SEM1: variants seen among roughly 807,000 people sequenced by gnomAD.
SEM1 encodes SEM1 26S proteasome subunit, also known as 26S proteasome complex subunit SEM1.
In SEM1, 3 loss-of-function variants were observed where a neutral mutation model predicts 12.7. The ratio of observed to expected loss-of-function variants is 0.24; its 90% confidence interval spans 0.11 to 0.61. SEM1 has a LOEUF of 0.61. Among genes scored for constraint, SEM1 ranks in the 20% least tolerant of loss-of-function variants. The probability of loss-of-function intolerance (pLI) is 0.88; values close to 1 mark genes in which losing one functional copy is unlikely to be tolerated. For synonymous variants in SEM1, 30 were observed against 27.8 expected, an observed-to-expected ratio of 1.08 and a Z score of -0.25; for missense variants, 59 against 81.3, an observed-to-expected ratio of 0.73 and a Z score of 1.06.
chr7:96,592,698 G>A (rs1806865398), intron 2 of SEM1, among the ~76,000 whole-genome samples: 1 of 151,692 alleles, frequency 6.6e-6, no homozygotes, highest in African/African-American at 2.4e-5. Flanking sequence ...AAGGTGGCAG[G>A]TTTTTAAGTA....
chr7:96,483,182 T>C (rs1175852848), exon 4 of SEM1: 1 of 152,244 alleles, frequency 6.6e-6, no homozygotes, highest in African/African-American at 2.4e-5. Flanking sequence ...AAATACTCGT[T>C]ATTTAATTAT....
chr7:96,522,719 A>C (rs1804317436), intron 2 of SEM1, among the ~76,000 whole-genome samples: 1 of 61,618 alleles, frequency 1.6e-5, no homozygotes. Context: ...CTCTACTAAA[A>C]ATACCCCCCC....
At chr7:96,551,734 A>G (rs1805283488) in intron 2 of SEM1, among the ~76,000 whole-genome samples, 1 of 151,092 alleles carries the variant, frequency 6.6e-6, no homozygotes, top group South Asian at 2.1e-4. Flanking sequence ...GAAAAGAAAA[A>G]AAAGAATTAC....
At chr7:96,518,308 G>T (rs1357484817) in intron 2 of SEM1, among the ~76,000 whole-genome samples, 1 of 152,044 alleles carries the variant, frequency 6.6e-6, no homozygotes, top group African/African-American at 2.4e-5. Context: ...AATATAATCA[G>T]CCTATATAAT....
intron 2 of SEM1, among the ~76,000 whole-genome samples, chr7:96,592,953 CT>C (rs1806874522): frequency 6.8e-6 from 1 of 147,044 alleles, no homozygotes; most frequent in Non-Finnish European, 1.5e-5. Flanking sequence ...GTCCTTGAAG[CT>C]CTAGAGAAGG....
chr7:96,488,211 T>G (rs1157720475), intron 1 of SEM1, among the ~76,000 whole-genome samples: 1 of 152,004 alleles, frequency 6.6e-6, no homozygotes, highest in Non-Finnish European at 1.5e-5. Context: ...ACCACTCCCA[T>G]TAAATGGGAG....
intron 3 of SEM1, among the ~76,000 whole-genome samples, chr7:96,503,969 G>A (rs1803660530): frequency 6.6e-6 from 1 of 152,072 alleles, no homozygotes; most frequent in African/African-American, 2.4e-5. Flanking sequence ...CTATTGGGTT[G>A]GCCATGGAAC....
intron 2 of SEM1, among the ~76,000 whole-genome samples, chr7:96,574,234 C>T (rs1806131595): frequency 6.6e-6 from 1 of 152,102 alleles, no homozygotes; most frequent in Admixed American, 6.5e-5. Context: ...TGGTTTCCAG[C>T]TTCATCCATA....
At chr7:96,617,470 C>T (rs1009644183) in intron 2 of SEM1, among the ~76,000 whole-genome samples, 2 of 152,140 alleles carry the variant, frequency 1.3e-5, no homozygotes, top group Non-Finnish European at 2.9e-5. Flanking sequence ...GATATAATAA[C>T]ACAGAATCTG....
chr7:96,528,155 A>G (rs772795406), intron 2 of SEM1, among the ~76,000 whole-genome samples: 3 of 152,052 alleles, frequency 2.0e-5, no homozygotes, highest in Admixed American at 6.6e-5. Context: ...TTAAACCTCA[A>G]TTGCCCATTG....
At chr7:96,603,665 A>G (rs1484594405) in intron 2 of SEM1, among the ~76,000 whole-genome samples, 1 of 152,044 alleles carries the variant, frequency 6.6e-6, no homozygotes, top group Non-Finnish European at 1.5e-5. Context: ...TTGGGAACTG[A>G]TATCTTGAGC....
At chr7:96,615,399 C>T (rs920690203) in intron 2 of SEM1, among the ~76,000 whole-genome samples, 9 of 151,980 alleles carry the variant, frequency 5.9e-5, no homozygotes, top group East Asian at 3.9e-4. Context: ...GGATTACAGG[C>T]GCCTACCACC....
At chr7:96,578,147 T>G (rs1806266873) in intron 2 of SEM1, among the ~76,000 whole-genome samples, 1 of 151,960 alleles carries the variant, frequency 6.6e-6, no homozygotes, top group Non-Finnish European at 1.5e-5. Context: ...GTCTAACAAA[T>G]CTCTAATCAA....
At chr7:96,588,353 AACACACACACACACACACACACACACAC>A (rs56655484) in intron 2 of SEM1, among the ~76,000 whole-genome samples, 10 of 140,948 alleles carry the variant, frequency 7.1e-5, no homozygotes, top group Non-Finnish European at 1.5e-4. Flanking sequence ...TCTAAAAACA[AACACACACACACACACACACACACACAC>A]ACACACACAC....
rs533894014 is a variant in SEM1, at chr7:96,600,906, A to C, written c.170+93892T>G. 3.9e-5 allele frequency among the ~76,000 whole-genome samples: 6 copies of C among 152,310 alleles called. No homozygotes were observed. The South Asian group carries it at 1.0e-3, about 26-fold the overall frequency. ...ATAGGAGGCAGAGAGGAAGTCAAGG[A>C]TATGTCTAGACCCAACACTCCACAC... On this transcript the variant is annotated intron_variant and NMD_transcript_variant, in intron 2 of 3. Transcript: ENST00000466986.
chr7:96,651,603 G>C (rs1009875504), intron 2 of SEM1, among the ~76,000 whole-genome samples: 1 of 152,096 alleles, frequency 6.6e-6, no homozygotes, highest in Non-Finnish European at 1.5e-5. Flanking sequence ...ACAGAGTCTT[G>C]CTCTGTCACC....
At chr7:96,588,050 TGCCTTACACCTCATCAA>T (rs1806698005) in intron 2 of SEM1, among the ~76,000 whole-genome samples, 1 of 152,148 alleles carries the variant, frequency 6.6e-6, no homozygotes, top group Admixed American at 6.5e-5. Flanking sequence ...TAGTTTTCAT[TGCCTTACACCTCATCAA>T]GCCAACTAAG....
At chr7:96,669,662 G>A (rs1311077970), downstream of SEM1, among the ~76,000 whole-genome samples, 1 of 152,082 alleles carries the variant, frequency 6.6e-6, no homozygotes, top group African/African-American at 2.4e-5. Flanking sequence ...GGATACATAA[G>A]ATAAGTGGCC....
intron 1 of SEM1, among the ~76,000 whole-genome samples, chr7:96,697,871 T>C (rs1203466866): frequency 6.6e-6 from 1 of 152,104 alleles, no homozygotes; most frequent in African/African-American, 2.4e-5. Context: ...AAATTATTTT[T>C]TTTGAAAATT....
Sources: allele counts gnomAD v4.1 joint callset (sites outside exome capture counted in the v4.1 genomes callset), GRCh38; gene constraint gnomAD v4.1.1; transcripts MANE v1.5; gene names NCBI Gene and HGNC (gene_info 2026-07-23, HGNC 2026-07-21).